The following WDR70 variants were observed in gnomAD, a reference collection of about 807,000 sequenced individuals.
WDR70 encodes WD repeat-containing protein 70.
A neutral mutation model predicts 88.6 loss-of-function variants in WDR70; 53 were observed. The observed-to-expected ratio is 0.60, with a 90% CI of 0.48 to 0.75. The LOEUF (loss-of-function observed/expected upper bound fraction) is 0.75, where lower values mean the gene tolerates loss of function less well. Ranked by LOEUF, WDR70 falls within the 30% of genes least tolerant of loss-of-function variation. The pLI, the probability that WDR70 is intolerant of heterozygous loss-of-function variation, is 0.00. For synonymous variants in WDR70, 280 were observed against 270.0 expected (o/e 1.04, Z -0.36); for missense variants, 610 against 823.2 (o/e 0.74, Z 3.17).
chr5:37,719,530 C>T (rs1056501566), intron 13 of WDR70, among the ~76,000 whole-genome samples: 2 of 152,026 alleles, frequency 1.3e-5, no homozygotes, highest in Admixed American at 6.6e-5. Flanking sequence ...TTGTGAAAAC[C>T]TGCCCCTTTA....
At chr5:37,564,919 C>G (rs902215422) in intron 9 of WDR70, among the ~76,000 whole-genome samples, 2 of 151,948 alleles carry the variant, frequency 1.3e-5, no homozygotes, top group Admixed American at 6.6e-5. Context: ...TGATACTTTT[C>G]TAGTTATTTT....
At chr5:37,481,828 G>A (rs1017661645) in intron 8 of WDR70, among the ~76,000 whole-genome samples, 47 of 152,114 alleles carry the variant, frequency 3.1e-4, no homozygotes, top group Admixed American at 2.3e-3. Flanking sequence ...GCTTCTTCTC[G>A]AATGCTTTGC....
chr5:37,383,643 G>A (rs1314931817), intron 3 of WDR70, among the ~76,000 whole-genome samples: 2 of 151,826 alleles, frequency 1.3e-5, no homozygotes, highest in African/African-American at 2.4e-5. Context: ...GCAGTGGTGC[G>A]ATCTTGGCTC....
Position 37,622,443 on chromosome 5 carries a change from G to A in WDR70, c.1092+17205G>A, listed in dbSNP as rs548322225. ...TGCTGCTATAAAGACACATGCACAC[G>A]TATGTTTATTGCAGCACTATTCACA... On this transcript the variant is annotated intron_variant, in intron 10 of 17. Transcript: ENST00000265107. Among the ~76,000 whole-genome samples, 15 of 151,942 alleles carry A rather than the reference G, an allele frequency of 9.9e-5. No individual in the cohort carries two copies. In the South Asian group the frequency reaches 2.5e-3, roughly 25 times the overall value.
At chr5:37,596,307 C>A (rs890843561) in intron 9 of WDR70, among the ~76,000 whole-genome samples, 3 of 152,140 alleles carry the variant, frequency 2.0e-5, no homozygotes, top group Non-Finnish European at 4.4e-5. Context: ...TTATAAGACA[C>A]CTTGGCATCT....
chr5:37,426,976 G>T (rs567065229), intron 5 of WDR70, among the ~76,000 whole-genome samples: 91 of 152,144 alleles, frequency 6.0e-4, no homozygotes, highest in African/African-American at 2.0e-3. Context: ...GGGTTTCGCT[G>T]TATTGCCCAG....
chr5:37,538,073 G>A (rs1741713487), intron 9 of WDR70, among the ~76,000 whole-genome samples: 2 of 152,268 alleles, frequency 1.3e-5, no homozygotes, highest in Non-Finnish European at 2.9e-5. Context: ...TAGCATGGCA[G>A]AGAGAAACAT....
chr5:37,561,984 G>T (rs188912524), intron 9 of WDR70, among the ~76,000 whole-genome samples: 1 of 152,250 alleles, frequency 6.6e-6, no homozygotes, highest in East Asian at 1.9e-4. Context: ...CATGGTCCTG[G>T]GGTCTACATA....
At chr5:37,474,955 A>G (rs890604264) in intron 7 of WDR70, among the ~76,000 whole-genome samples, 8 of 151,934 alleles carry the variant, frequency 5.3e-5, no homozygotes, top group Non-Finnish European at 7.4e-5. Flanking sequence ...GTCTTGCTCT[A>G]TTGCCCAGGC....
intron 5 of WDR70, among the ~76,000 whole-genome samples, chr5:37,409,526 T>C (rs1749458133): frequency 1.3e-5 from 2 of 149,988 alleles, no homozygotes; most frequent in South Asian, 2.1e-4. Context: ...TTTTTGGAGA[T>C]GGAGTTTTGC....
intron 10 of WDR70, among the ~76,000 whole-genome samples, chr5:37,673,431 C>G (rs371634870): frequency 1.1e-4 from 16 of 151,984 alleles, no homozygotes; most frequent in Admixed American, 5.2e-4. Context: ...AATGGGATTG[C>G]TGGGTCAAAT....
intron 9 of WDR70, among the ~76,000 whole-genome samples, chr5:37,550,207 A>G (rs370926588): frequency 5.3e-5 from 8 of 152,336 alleles, no homozygotes; most frequent in African/African-American, 1.9e-4. Context: ...TTCAGCACCA[A>G]TTGAAATGAT....
chr5:37,473,591 G>A (rs1034120205), intron 7 of WDR70, among the ~76,000 whole-genome samples: 3 of 152,088 alleles, frequency 2.0e-5, no homozygotes, highest in Admixed American at 6.6e-5. Flanking sequence ...TGATCTGCCC[G>A]CCTCTGCCTC....
At chr5:37,643,061 C>T (rs1190056978) in intron 10 of WDR70, among the ~76,000 whole-genome samples, 1 of 152,020 alleles carries the variant, frequency 6.6e-6, no homozygotes, top group Non-Finnish European at 1.5e-5. Flanking sequence ...AAACCTTTGC[C>T]CAGACCAATG....
At chr5:37,417,217 C>T (rs1009274038) in intron 5 of WDR70, among the ~76,000 whole-genome samples, 1 of 152,024 alleles carries the variant, frequency 6.6e-6, no homozygotes, top group South Asian at 2.1e-4. Context: ...TCTTTACTTA[C>T]AAGTTTTTGT....
chr5:37,504,904 G>T (rs1740514575), intron 8 of WDR70, among the ~76,000 whole-genome samples: 1 of 152,140 alleles, frequency 6.6e-6, no homozygotes, highest in Non-Finnish European at 1.5e-5. Context: ...CAGGTCATTG[G>T]TAGGCAGGTA....
At chr5:37,516,910 C>T (rs1031783554) in intron 9 of WDR70, among the ~76,000 whole-genome samples, 26 of 151,442 alleles carry the variant, frequency 1.7e-4, no homozygotes, top group African/African-American at 5.3e-4. Flanking sequence ...TTAGTAGAGA[C>T]GGGGTTTCAT....
intron 2 of WDR70, among the ~76,000 whole-genome samples, chr5:37,381,187 A>G (rs1335931600): frequency 2.0e-5 from 3 of 152,176 alleles, no homozygotes; most frequent in Non-Finnish European, 2.9e-5. Context: ...TAATGCCTCA[A>G]ATTCTTCTCA....
chr5:37,525,136 A>C (rs1741222041), intron 9 of WDR70, among the ~76,000 whole-genome samples: 1 of 152,348 alleles, frequency 6.6e-6, no homozygotes, highest in South Asian at 2.1e-4. Flanking sequence ...GACCTTATAG[A>C]CATCTACAGA....
Sources: allele counts gnomAD v4.1 joint callset (sites outside exome capture counted in the v4.1 genomes callset), GRCh38; gene constraint gnomAD v4.1.1; transcripts MANE v1.5; gene names NCBI Gene and HGNC (gene_info 2026-07-23, HGNC 2026-07-21).